Variants in MKLN1 observed in about 807,000 individuals in gnomAD.
MKLN1 encodes the protein muskelin.
MKLN1 carries 18 observed loss-of-function variants against 99.0 expected under a neutral mutation model. The ratio of observed to expected loss-of-function variants is 0.18; its 90% CI spans 0.13 to 0.27. The LOEUF (loss-of-function observed/expected upper bound fraction) is 0.27, where lower values mean the gene tolerates loss of function less well. Among genes scored for constraint, MKLN1 ranks in the 10% least tolerant of loss-of-function variants. MKLN1 has a pLI of 1.00. For missense variants in MKLN1, 621 were observed against 875.9 expected (o/e 0.71, Z 3.67); for synonymous variants, 288 against 293.2 (o/e 0.98, Z 0.18).
intron 8 of MKLN1, among the ~76,000 whole-genome samples, chr7:131,425,416 G>T (rs1025106787): frequency 6.6e-6 from 1 of 152,024 alleles, no homozygotes; most frequent in Non-Finnish European, 1.5e-5. Flanking sequence ...AACCCTCATG[G>T]TGCTTTTTAC....
At chr7:131,426,920 A>G (rs1795374539) in intron 8 of MKLN1, among the ~76,000 whole-genome samples, 1 of 151,956 alleles carries the variant, frequency 6.6e-6, no homozygotes, top group African/African-American at 2.4e-5. Flanking sequence ...ATGCCAGGCT[A>G]ATTTTTGTAT....
At chr7:131,453,915 A>G (rs1436583805) in intron 12 of MKLN1, among the ~76,000 whole-genome samples, 1 of 152,158 alleles carries the variant, frequency 6.6e-6, no homozygotes, top group Non-Finnish European at 1.5e-5. Context: ...AAAATAATTC[A>G]TATTGCCAGT....
intron 3 of MKLN1, among the ~76,000 whole-genome samples, chr7:131,224,842 G>A (rs1237146738): frequency 6.6e-6 from 1 of 151,912 alleles, no homozygotes; most frequent in Non-Finnish European, 1.5e-5. Flanking sequence ...GGGGGGCCGA[G>A]GTGGGCAGAT....
chr7:131,379,797 T>C (rs750164193), intron 2 of MKLN1, among the ~76,000 whole-genome samples: 3 of 152,232 alleles, frequency 2.0e-5, no homozygotes, highest in African/African-American at 4.8e-5. Context: ...TGCATCCCTG[T>C]ATCAAAACAT....
At chr7:131,407,264 A>G (rs1429202210) in intron 6 of MKLN1, among the ~76,000 whole-genome samples, 1 of 151,646 alleles carries the variant, frequency 6.6e-6, no homozygotes, top group Non-Finnish European at 1.5e-5. Context: ...TTAGATGTCT[A>G]CTTTCCAACT....
rs76683681 is a variant in MKLN1, at chr7:131,411,142, A to G, written c.704-164A>G. ...TTTTACTATTTATATTTGAGGTAGC[A>G]TGAAGTGAAATTGAAGTGATGCATA... On this transcript the variant is annotated intron_variant, in intron 6 of 17. Transcript: ENST00000352689. Among the ~76,000 whole-genome samples the G allele has an allele frequency of 1.8e-3, 270 of 152,382 alleles. 7 individuals carry two copies. In the East Asian group the frequency reaches 0.041, roughly 23 times the overall value.
chr7:131,485,616 G>A (rs981793729), intron 17 of MKLN1, among the ~76,000 whole-genome samples: 4 of 151,952 alleles, frequency 2.6e-5, no homozygotes, highest in African/African-American at 9.7e-5. Flanking sequence ...ATCAGTATTG[G>A]GATAAACTGA....
chr7:131,251,093 A>ATATG (rs3221532), intron 3 of MKLN1, among the ~76,000 whole-genome samples: 1 of 146,162 alleles, frequency 6.8e-6, no homozygotes, highest in Non-Finnish European at 1.5e-5. Context: ...TGGGGCCCAG[A>ATATG]TGTGTGTGTG....
chr7:131,269,916 A>C (rs73153439), intron 3 of MKLN1, among the ~76,000 whole-genome samples: 15,895 of 151,426 alleles, frequency 0.1, 1,070 homozygotes, highest in South Asian at 0.32. Flanking sequence ...TTTTCTTTTT[A>C]TTTTATTTTA....
At chr7:131,118,884 G>A (rs1210290321) in intron 1 of MKLN1, among the ~76,000 whole-genome samples, 1 of 152,128 alleles carries the variant, frequency 6.6e-6, no homozygotes, top group East Asian at 1.9e-4. Flanking sequence ...CCTAACATTG[G>A]GAATTACAAT....
intron 3 of MKLN1, among the ~76,000 whole-genome samples, chr7:131,241,921 A>T (rs761004283): frequency 2.0e-5 from 3 of 152,112 alleles, no homozygotes; most frequent in Non-Finnish European, 4.4e-5. Context: ...CACCCTGTTG[A>T]CTAAGGATCC....
At chr7:131,364,435 C>T (rs969299928) in intron 1 of MKLN1, among the ~76,000 whole-genome samples, 1 of 150,756 alleles carries the variant, frequency 6.6e-6, no homozygotes, top group African/African-American at 2.4e-5. Flanking sequence ...AAATGTGTTC[C>T]GTATCAGAAT....
intron 1 of MKLN1, among the ~76,000 whole-genome samples, chr7:131,361,243 T>C (rs767415865): frequency 1.3e-5 from 2 of 152,028 alleles, no homozygotes; most frequent in Non-Finnish European, 2.9e-5. Flanking sequence ...CTCCTTTCTT[T>C]CCCTTCTCAT....
intron 3 of MKLN1, among the ~76,000 whole-genome samples, chr7:131,260,778 T>G (rs1271284914): frequency 6.6e-6 from 1 of 152,108 alleles, no homozygotes; most frequent in Non-Finnish European, 1.5e-5. Flanking sequence ...CAAAACAGCA[T>G]GATACTGGTA....
intron 6 of MKLN1, among the ~76,000 whole-genome samples, chr7:131,406,902 A>G (rs1001197203): frequency 6.6e-5 from 10 of 151,840 alleles, no homozygotes; most frequent in Non-Finnish European, 1.3e-4. Flanking sequence ...TAAATATTTT[A>G]TATTTGTTTT....
At chr7:131,322,357 A>G (rs973558430) in intron 3 of MKLN1, among the ~76,000 whole-genome samples, 1 of 152,224 alleles carries the variant, frequency 6.6e-6, no homozygotes, top group African/African-American at 2.4e-5. Flanking sequence ...ATCAGTGTGT[A>G]TTAGTTCATT....
chr7:131,257,917 T>C (rs1797679980), intron 3 of MKLN1, among the ~76,000 whole-genome samples: 1 of 151,954 alleles, frequency 6.6e-6, no homozygotes, highest in Non-Finnish European at 1.5e-5. Context: ...TGCAGGAGTT[T>C]GAGACCAGCC....
rs116675553 is a variant in MKLN1 at position 131,263,106 on chromosome 7, T to C, written c.-179+60132T>C. ...TAAGAATTCTTCACAGGTAATGCTG[T>C]GGACTTCCTACTGCCTCATATTAGG... On this transcript the variant is annotated intron_variant, in intron 3 of 7. Transcript: ENST00000416992. Among the ~76,000 whole-genome samples, 563 of 152,282 alleles carry C rather than the reference T, an allele frequency of 3.7e-3. 1 individual carries two copies. Among genetic ancestry groups the C allele is most frequent in the African/African-American group, 0.013 (524 of 41,568 alleles).
intron 2 of MKLN1, among the ~76,000 whole-genome samples, chr7:131,160,739 A>C (rs1450296094): frequency 2.1e-5 from 3 of 143,050 alleles, no homozygotes; most frequent in Non-Finnish European, 4.5e-5. Flanking sequence ...CAGGTTGACC[A>C]GTCTGGTCTC....
Sources: allele counts gnomAD v4.1 joint callset (sites outside exome capture counted in the v4.1 genomes callset), GRCh38; gene constraint gnomAD v4.1.1; transcripts MANE v1.5; gene names NCBI Gene and HGNC (gene_info 2026-07-23, HGNC 2026-07-21).